The following PACRG variants were observed in gnomAD, a reference collection of about 807,000 sequenced individuals.
PACRG encodes parkin coregulated gene protein.
PACRG carries 29 observed loss-of-function variants against 29.7 expected under a neutral mutation model. The ratio of observed to expected loss-of-function variants is 0.98; its 90% CI spans 0.73 to 1.33. The LOEUF is 1.33. PACRG is among the 40% of genes most tolerant of loss of function. PACRG has a pLI of 0.00. For missense variants in PACRG, 279 were observed against 316.2 expected, an observed-to-expected ratio of 0.88 and a Z score of 0.89; for synonymous variants, 116 against 118.7, an observed-to-expected ratio of 0.98 and a Z score of 0.15.
intron 2 of PACRG, among the ~76,000 whole-genome samples, chr6:162,952,882 A>G (rs567095547): frequency 9.2e-5 from 14 of 152,270 alleles, no homozygotes; most frequent in African/African-American, 2.6e-4. Flanking sequence ...ACGTTTTTGC[A>G]TGTGATATGG....
At chr6:162,946,381 G>C (rs1010869174) in intron 2 of PACRG, among the ~76,000 whole-genome samples, 4 of 151,840 alleles carry the variant, frequency 2.6e-5, no homozygotes, top group African/African-American at 9.7e-5. Context: ...CTTACAAACT[G>C]GAAAACCTAG....
intron 4 of PACRG, among the ~76,000 whole-genome samples, chr6:163,199,460 C>T (rs903166227): frequency 1.3e-5 from 2 of 152,164 alleles, no homozygotes; most frequent in Non-Finnish European, 1.5e-5. Context: ...AACCCTATAA[C>T]CCAGGGACTA....
chr6:163,128,974 G>T (rs1472914157), intron 4 of PACRG, among the ~76,000 whole-genome samples: 2 of 152,112 alleles, frequency 1.3e-5, no homozygotes, highest in Non-Finnish European at 2.9e-5. Context: ...TGTGTTAAAT[G>T]TTAAGTATAA....
intron 2 of PACRG, among the ~76,000 whole-genome samples, chr6:163,032,332 G>C (rs886707740): frequency 6.6e-6 from 1 of 152,186 alleles, no homozygotes; most frequent in Non-Finnish European, 1.5e-5. Context: ...CTCTATGAGA[G>C]TTCTGAAAGT....
chr6:162,957,387 C>A, intron 2 of PACRG: 1 of 610,092 alleles, frequency 1.6e-6, no homozygotes. Context: ...TGGACAATCT[C>A]ATAAGAACTT....
intron 4 of PACRG, among the ~76,000 whole-genome samples, chr6:163,140,650 A>G (rs1428950898): frequency 1.3e-5 from 2 of 152,194 alleles, no homozygotes; most frequent in Non-Finnish European, 1.5e-5. Context: ...ACCCATGAAG[A>G]ATTTCCATGC....
intron 2 of PACRG, chr6:163,043,030 C>G (rs1176895513): frequency 6.6e-6 from 1 of 152,146 alleles, no homozygotes; most frequent in Non-Finnish European, 1.5e-5. Context: ...AAGAAGGTGT[C>G]ACTTTCTGGA....
intron 1 of PACRG, among the ~76,000 whole-genome samples, chr6:162,805,723 G>A (rs1259148158): frequency 2.0e-5 from 3 of 152,096 alleles, no homozygotes; most frequent in Non-Finnish European, 4.4e-5. Context: ...AATGTTCAAA[G>A]TATCTTCACC....
chr6:163,049,405 A>G (rs569683398), intron 2 of PACRG, among the ~76,000 whole-genome samples: 1 of 152,240 alleles, frequency 6.6e-6, no homozygotes, highest in South Asian at 2.1e-4. Flanking sequence ...ATAAACCATT[A>G]TTAATGCTCT....
chr6:163,080,738 A>G (rs1012664549), intron 3 of PACRG, among the ~76,000 whole-genome samples: 1 of 152,238 alleles, frequency 6.6e-6, no homozygotes, highest in African/African-American at 2.4e-5. Context: ...CTATTGAAAA[A>G]TTGAAAAAGA....
intron 4 of PACRG, among the ~76,000 whole-genome samples, chr6:163,298,244 C>G (rs1352237567): frequency 6.6e-6 from 1 of 151,108 alleles, no homozygotes; most frequent in African/African-American, 2.4e-5. Flanking sequence ...GAACAAATCA[C>G]TCTCACAAAG....
intron 2 of PACRG, among the ~76,000 whole-genome samples, chr6:162,862,491 A>G (rs1353665140): frequency 6.6e-6 from 1 of 152,224 alleles, no homozygotes; most frequent in Non-Finnish European, 1.5e-5. Context: ...TAGGCACACA[A>G]GAAATGCTGC....
chr6:163,196,315 C>T (rs1177843429), intron 4 of PACRG, among the ~76,000 whole-genome samples: 2 of 152,216 alleles, frequency 1.3e-5, no homozygotes, highest in East Asian at 1.9e-4. Flanking sequence ...CCCTGGTCAA[C>T]CACGACCCAA....
At chr6:162,835,630 A>T (rs910034914) in intron 2 of PACRG, among the ~76,000 whole-genome samples, 2 of 152,124 alleles carry the variant, frequency 1.3e-5, no homozygotes, top group African/African-American at 4.8e-5. Context: ...GAAAAACCGA[A>T]GGGTTTGTGA....
At chr6:162,987,418 C>G (rs1472491483) in intron 2 of PACRG, among the ~76,000 whole-genome samples, 1 of 152,146 alleles carries the variant, frequency 6.6e-6, no homozygotes, top group Non-Finnish European at 1.5e-5. Flanking sequence ...CAAATCTCAT[C>G]TTGAATTGTA....
chr6:163,154,992 C>A (rs1778253610), intron 4 of PACRG, among the ~76,000 whole-genome samples: 1 of 151,922 alleles, frequency 6.6e-6, no homozygotes, highest in Admixed American at 6.6e-5. Context: ...ACGTGGAACA[C>A]TCACAATGCA....
chr6:163,141,445 T>C (rs1562936539), intron 4 of PACRG, among the ~76,000 whole-genome samples: 2 of 11,198 alleles, frequency 1.8e-4, no homozygotes, highest in Non-Finnish European at 2.9e-4. Flanking sequence ...AATGTATGTG[T>C]TTTTTTTTTT....
rs565850410 is a variant in PACRG, at chr6:163,048,621, G to A, written c.292-13529G>A. On this transcript the variant is annotated intron_variant, in intron 2 of 4. Transcript: ENST00000366888. ...CAGCTGTGTAGCTTTTCCTCTTTTCGATTCTTAAAAAGAGTCAGTACAAAG... is the reference window on the plus strand; with the variant it reads ...CAGCTGTGTAGCTTTTCCTCTTTTCAATTCTTAAAAAGAGTCAGTACAAAG... 5.9e-5 allele frequency among the ~76,000 whole-genome samples: 9 copies of A among 152,096 alleles called. 1 individual carries two copies. The highest frequency in any genetic ancestry group is 5.2e-4 in the Admixed American group (8 of 15,268).
chr6:162,738,330 C>T (rs1336027342), intron 1 of PACRG, among the ~76,000 whole-genome samples: 1 of 152,098 alleles, frequency 6.6e-6, no homozygotes, highest in East Asian at 1.9e-4. Context: ...TTCTGTAATG[C>T]CTTCAGGTCA....
Sources: allele counts gnomAD v4.1 joint callset (sites outside exome capture counted in the v4.1 genomes callset), GRCh38; gene constraint gnomAD v4.1.1; transcripts MANE v1.5; gene names NCBI Gene and HGNC (gene_info 2026-07-23, HGNC 2026-07-21).